The following PELI1 variants were observed in gnomAD, a reference collection of about 807,000 sequenced individuals.
PELI1 encodes the protein E3 ubiquitin-protein ligase pellino homolog 1.
Under a neutral mutation model 41.3 loss-of-function variants are expected in PELI1, and 15 were observed. The observed-to-expected ratio is 0.36, with a 90% CI of 0.24 to 0.56. The LOEUF (loss-of-function observed/expected upper bound fraction) is 0.56, where lower values mean the gene tolerates loss of function less well. Among genes scored for constraint, PELI1 ranks in the 20% least tolerant of loss-of-function variants. PELI1 has a pLI of 0.82. For synonymous variants in PELI1, 178 were observed against 180.1 expected, an observed-to-expected ratio of 0.99 and a Z score of 0.09; for missense variants, 403 against 525.5, an observed-to-expected ratio of 0.77 and a Z score of 2.28.
At chr2:64,126,097 C>G (rs1028229706) in intron 1 of PELI1, among the ~76,000 whole-genome samples, 7 of 152,184 alleles carry the variant, frequency 4.6e-5, no homozygotes, top group Non-Finnish European at 7.3e-5. Flanking sequence ...CTATTAATAA[C>G]CATTGTGAGC....
At chr2:64,115,580 C>A (rs1680964083) in intron 1 of PELI1, among the ~76,000 whole-genome samples, 1 of 152,176 alleles carries the variant, frequency 6.6e-6, no homozygotes, top group Non-Finnish European at 1.5e-5. Flanking sequence ...TCTGGCAGAG[C>A]TAGGACTGAG....
At chr2:64,140,817 A>AAAAAAAAAAAAAAT (rs1681889411) in intron 1 of PELI1, among the ~76,000 whole-genome samples, 1 of 148,468 alleles carries the variant, frequency 6.7e-6, no homozygotes, top group African/African-American at 2.5e-5. Context: ...ACAAAAAAAA[A>AAAAAAAAAAAAAAT]CCTAGGGGCA....
At chr2:64,110,558 A>T (rs1680778232) in intron 1 of PELI1, among the ~76,000 whole-genome samples, 1 of 152,260 alleles carries the variant, frequency 6.6e-6, no homozygotes, top group Non-Finnish European at 1.5e-5. Context: ...AAAACACGGT[A>T]GCAAAAATAT....
intron 1 of PELI1, among the ~76,000 whole-genome samples, chr2:64,129,229 C>T (rs1681478672): frequency 6.6e-6 from 1 of 152,148 alleles, no homozygotes; most frequent in African/African-American, 2.4e-5. Context: ...CTTCCCTTGC[C>T]TTCAACATTG....
At chr2:64,120,283 T>C (rs1441698325) in intron 1 of PELI1, among the ~76,000 whole-genome samples, 2 of 152,242 alleles carry the variant, frequency 1.3e-5, no homozygotes, top group African/African-American at 4.8e-5. Flanking sequence ...TTTCCCCATA[T>C]GCTGTCTCAG....
chr2:64,109,544 G>C (rs566671795), intron 1 of PELI1, among the ~76,000 whole-genome samples: 1 of 152,210 alleles, frequency 6.6e-6, no homozygotes, highest in South Asian at 2.1e-4. Context: ...GCCGGGCGTG[G>C]TGGCACATGC....
intron 1 of PELI1, among the ~76,000 whole-genome samples, chr2:64,139,178 G>C (rs1681814666): frequency 6.6e-6 from 1 of 152,188 alleles, no homozygotes; most frequent in Admixed American, 6.5e-5. Flanking sequence ...AAGCAGGATA[G>C]AACTAAGCTT....
At chr2:64,116,256 C>A (rs892806610) in intron 1 of PELI1, among the ~76,000 whole-genome samples, 83 of 152,130 alleles carry the variant, frequency 5.5e-4, no homozygotes, top group African/African-American at 2.0e-3. Flanking sequence ...CAACTAAGAA[C>A]CCAAACAGTT....
intron 1 of PELI1, among the ~76,000 whole-genome samples, chr2:64,127,797 A>G (rs1425829761): frequency 6.6e-6 from 1 of 152,180 alleles, no homozygotes; most frequent in Non-Finnish European, 1.5e-5. Context: ...CTGACCCCTG[A>G]AAGTTGAAAT....
intron 1 of PELI1, among the ~76,000 whole-genome samples, chr2:64,125,811 T>C (rs145025657): frequency 1.9e-4 from 29 of 152,350 alleles, no homozygotes; most frequent in African/African-American, 6.3e-4. Flanking sequence ...CTGAAATTTT[T>C]GAGCAACACG....
chr2:64,096,338 T>C, intron 5 of PELI1, 25 bp from the exon 6 acceptor site: 1 of 1,607,196 alleles, frequency 6.2e-7, no homozygotes. Context: ...AGCAGTGAGC[T>C]TCCAACTTGT....
intron 2 of PELI1, among the ~76,000 whole-genome samples, chr2:64,106,868 GA>G (rs776214087): frequency 6.6e-6 from 1 of 152,170 alleles, no homozygotes; most frequent in Non-Finnish European, 1.5e-5. Context: ...GCAATATCTA[GA>G]GTTGCTTTTT....
chr2:64,095,624 T>A (rs1230917636), intron 6 of PELI1, among the ~76,000 whole-genome samples: 1 of 152,192 alleles, frequency 6.6e-6, no homozygotes, highest in Non-Finnish European at 1.5e-5. Flanking sequence ...GGTTTTAAAA[T>A]ATATTAACAT....
chr2:64,118,877 C>A (rs974458672), intron 1 of PELI1, among the ~76,000 whole-genome samples: 4 of 152,116 alleles, frequency 2.6e-5, no homozygotes, highest in South Asian at 4.1e-4. Context: ...AACTAAAGTA[C>A]AATGACAGCA....
intron 1 of PELI1, among the ~76,000 whole-genome samples, 167 bp from the exon 2 acceptor site, chr2:64,108,546 GT>G (rs1198035157): frequency 6.6e-6 from 1 of 152,178 alleles, no homozygotes; most frequent in Non-Finnish European, 1.5e-5. Flanking sequence ...TTACAAAACT[GT>G]TTAAAGGAAT....
intron 1 of PELI1, among the ~76,000 whole-genome samples, chr2:64,125,947 A>G (rs1364853775): frequency 6.6e-6 from 1 of 152,216 alleles, no homozygotes; most frequent in Non-Finnish European, 1.5e-5. Context: ...ACATAAATGA[A>G]TTTTATGGGT....
chr2:64,131,611 ATCTC>A (rs1235292994), intron 1 of PELI1, among the ~76,000 whole-genome samples: 1 of 151,398 alleles, frequency 6.6e-6, no homozygotes, highest in Admixed American at 6.6e-5. Flanking sequence ...TGAAATAGTA[ATCTC>A]TCTCTTTTTT....
chr2:64,142,044 A>G (rs1327620977), intron 1 of PELI1, among the ~76,000 whole-genome samples: 1 of 152,218 alleles, frequency 6.6e-6, no homozygotes, highest in Admixed American at 6.5e-5. Flanking sequence ...CCACTGAGGC[A>G]AATTTCCAGC....
Position 64,094,395 on chromosome 2 carries a change from T to A in PELI1, c.*307A>T, listed in dbSNP as rs181894119. 7 of 239,950 alleles carry A rather than the reference T, an allele frequency of 2.9e-5. No individual in the cohort carries two copies. The allele number at this position is 239,950 out of a possible 1,614,324, so 14.9% of individuals were successfully genotyped here. A position where few individuals can be genotyped will look rare whatever the true frequency, so the allele number is the denominator to read the frequency against. On this transcript the variant is annotated 3_prime_UTR_variant, in exon 7 of 7. Transcript: ENST00000358912. ...GTACCCTCAGTTATACAAAACAATT[T>A]CAGCACTGAGGATAGGTGATTCAAA...
Sources: gnomAD v4.1 joint callset for allele counts (sites outside exome capture counted in the v4.1 genomes callset) on GRCh38, gnomAD v4.1.1 for gene constraint, MANE v1.5 for transcripts, NCBI Gene and HGNC (gene_info 2026-07-23, HGNC 2026-07-21) for gene names.